ABI3BP: variants seen among roughly 807,000 people sequenced by gnomAD.
The protein encoded by ABI3BP is ABI family member 3 binding protein.
ABI3BP carries 216 observed loss-of-function variants against 268.6 expected under a neutral mutation model. The ratio of observed to expected loss-of-function variants is 0.80; its 90% CI spans 0.72 to 0.90. The LOEUF (loss-of-function observed/expected upper bound fraction) is 0.90, where lower values mean the gene tolerates loss of function less well. Among genes scored for constraint, ABI3BP ranks in the 40% least tolerant of loss-of-function variants. The pLI is 0.00. For synonymous variants in ABI3BP, 730 were observed against 730.0 expected, an observed-to-expected ratio of 1.00 and a Z score of 0.00; for missense variants, 2,090 against 2,182.4, an observed-to-expected ratio of 0.96 and a Z score of 0.84.
intron 3 of ABI3BP, among the ~76,000 whole-genome samples, chr3:100,901,736 A>T (rs1296958770): frequency 1.3e-5 from 2 of 151,902 alleles, no homozygotes; most frequent in Non-Finnish European, 2.9e-5. Context: ...ACTGCGCTCC[A>T]GTCTGGGCCA....
intron 50 of ABI3BP, 109 bp downstream of exon 50, chr3:100,808,052 T>C (rs2097761929): frequency 2.1e-6 from 2 of 941,120 alleles, no homozygotes; most frequent in Admixed American, 4.2e-5. Flanking sequence ...AGACTTGTTT[T>C]ACAAGTGTTA....
intron 59 of ABI3BP, among the ~76,000 whole-genome samples, chr3:100,777,732 C>T (rs1229944874): frequency 6.6e-6 from 1 of 152,112 alleles, no homozygotes; most frequent in African/African-American, 2.4e-5. Context: ...TGTGTGTGCC[C>T]AGGCATGGAG....
At chr3:100,946,528 C>A (rs573910316) in intron 1 of ABI3BP, among the ~76,000 whole-genome samples, 8 of 152,062 alleles carry the variant, frequency 5.3e-5, no homozygotes, top group African/African-American at 1.9e-4. Context: ...GTGGCTCACA[C>A]CTGTAATTCC....
At chr3:100,969,951 C>G (rs547488475) in intron 1 of ABI3BP, among the ~76,000 whole-genome samples, 1 of 152,080 alleles carries the variant, frequency 6.6e-6, no homozygotes, top group Non-Finnish European at 1.5e-5. Context: ...TATTAAATGG[C>G]CTTCATTTAC....
intron 2 of ABI3BP, among the ~76,000 whole-genome samples, chr3:100,907,767 A>G (rs909511627): frequency 2.6e-5 from 4 of 151,694 alleles, no homozygotes; most frequent in Admixed American, 1.3e-4. Flanking sequence ...CTGACAGCAC[A>G]TAATACAATA....
Position 100,832,285 on chromosome 3 carries a change from C to T in ABI3BP, c.2380G>A (p.Glu794Lys). The T allele has an allele frequency of 1.3e-6, 2 of 1,535,524 alleles. No homozygotes were observed. Among genetic ancestry groups the T allele is most frequent in the South Asian group, 1.2e-5 (1 of 84,028 alleles). Residue 794 changes from glutamate to lysine, a missense_variant, in exon 31 of 68, where the codon GAA becomes AAA. Transcript: ENST00000471714. ...TTACCCAGTTTAGTTTGAGGTACTTCTGGATGGGGCGTGGTTTTAGGTTTG... is the reference window on the plus strand; with the variant it reads ...TTACCCAGTTTAGTTTGAGGTACTTTTGGATGGGGCGTGGTTTTAGGTTTG... ...HPKPKTTPHP[E>K]VPQTKLVPAT...
At chr3:100,954,148 T>C (rs1009321280) in intron 1 of ABI3BP, among the ~76,000 whole-genome samples, 1 of 152,210 alleles carries the variant, frequency 6.6e-6, no homozygotes, top group Admixed American at 6.5e-5. Flanking sequence ...GATATTTACC[T>C]TTTAATTATT....
chr3:100,855,149 A>G (rs2098926248), intron 14 of ABI3BP, among the ~76,000 whole-genome samples: 1 of 152,190 alleles, frequency 6.6e-6, no homozygotes, highest in Non-Finnish European at 1.5e-5. Flanking sequence ...GCTGGCTTCA[A>G]ACTCCTGACC....
At chr3:100,879,182 C>G (rs1581657961) in intron 6 of ABI3BP, among the ~76,000 whole-genome samples, 1 of 152,316 alleles carries the variant, frequency 6.6e-6, no homozygotes, top group Non-Finnish European at 1.5e-5. Context: ...TGCCCCTCAC[C>G]CCCTGGTAAC....
chr3:100,835,494 T>G, intron 28 of ABI3BP, 107 bp downstream of exon 28: 1 of 798,206 alleles, frequency 1.3e-6, no homozygotes, highest in Middle Eastern at 2.8e-4. Flanking sequence ...GACAAGAGGA[T>G]GATGAGAAAA....
At chr3:100,759,109 C>CA (rs2095803205) in intron 63 of ABI3BP, among the ~76,000 whole-genome samples, 1 of 152,088 alleles carries the variant, frequency 6.6e-6, no homozygotes, top group South Asian at 2.1e-4. Flanking sequence ...TTCATTCTAA[C>CA]AAAAGTCTTA....
At chr3:100,797,638 G>A (rs1030933901) in intron 51 of ABI3BP, among the ~76,000 whole-genome samples, 2 of 148,650 alleles carry the variant, frequency 1.3e-5, no homozygotes, top group Admixed American at 6.7e-5. Context: ...TATATAAAAT[G>A]AACAATCTCT....
intron 6 of ABI3BP, among the ~76,000 whole-genome samples, chr3:100,882,955 A>G (rs186152143): frequency 6.6e-6 from 1 of 152,248 alleles, no homozygotes; most frequent in African/African-American, 2.4e-5. Context: ...AGGATGAAAG[A>G]GCAATTCTAT....
chr3:100,955,694 T>C (rs897764162), intron 1 of ABI3BP, among the ~76,000 whole-genome samples: 1 of 152,232 alleles, frequency 6.6e-6, no homozygotes, highest in Admixed American at 6.5e-5. Flanking sequence ...GGAAGGTTGG[T>C]ATTTATTTCT....
Position 100,886,219 on chromosome 3 carries a change from A to G in ABI3BP, c.566T>C (p.Val189Ala). 4.4e-6 allele frequency: 7 copies of G among 1,609,144 alleles called. No individual in the cohort carries two copies. Among genetic ancestry groups the G allele is most frequent in the Non-Finnish European group, 5.9e-6 (7 of 1,177,468 alleles). Residue 189 changes from valine (V) to alanine (A), a missense_variant, in exon 5 of 68, where the codon GTT (valine) becomes GCT (alanine). Val to Ala is a moderately conservative substitution (Grantham distance 64). Coordinates refer to ENST00000471714, the MANE Select transcript of ABI3BP (RefSeq NM_001375547.2). Reference protein sequence around the residue: ...TIVENLKPNTVYEFGVKDNVE... With the variant: ...TIVENLKPNTAYEFGVKDNVE... ...ATTGTCTTTCACTCCAAATTCATAA[A>G]CTGTGTTGGGCTTTAGGTTTTCCAC...
intron 1 of ABI3BP, among the ~76,000 whole-genome samples, chr3:100,960,581 C>T (rs1289465057): frequency 2.0e-5 from 3 of 152,156 alleles, no homozygotes; most frequent in African/African-American, 7.2e-5. Flanking sequence ...TGCGTAGGCT[C>T]AATCTAATCA....
In ABI3BP at chr3:100,902,701, A is replaced by G. The variant is rs745786521; in HGVS notation, c.260-15T>C. The G allele has an allele frequency of 1.9e-6, 3 of 1,612,072 alleles. No homozygotes were observed. Among genetic ancestry groups the G allele is most frequent in the Non-Finnish European group, 1.7e-6 (2 of 1,178,774 alleles). The stretch of plus-strand genomic sequence containing the variant: ...CGGCTCTGCATCTGGAAGCAATAAC[A>G]TTATTTATCAGAAAAACCCTTTGAG... On this transcript the variant is annotated splice_polypyrimidine_tract_variant and intron_variant, in intron 2 of 67. Coordinates refer to ENST00000471714, the MANE Select transcript of ABI3BP (RefSeq NM_001375547.2).
At chr3:100,772,417 G>T (rs1235294042) in intron 61 of ABI3BP, among the ~76,000 whole-genome samples, 1 of 152,136 alleles carries the variant, frequency 6.6e-6, no homozygotes, top group East Asian at 1.9e-4. Flanking sequence ...TTACGGTAAT[G>T]TATATAACAT....
chr3:100,947,479 A>T (rs990756411), intron 1 of ABI3BP, among the ~76,000 whole-genome samples: 1 of 151,814 alleles, frequency 6.6e-6, no homozygotes, highest in Non-Finnish European at 1.5e-5. Context: ...TATCAGGCAA[A>T]TTTTTTTTTC....
Sources: allele counts gnomAD v4.1 joint callset (sites outside exome capture counted in the v4.1 genomes callset), GRCh38; gene constraint gnomAD v4.1.1; transcripts MANE v1.5; gene names NCBI Gene and HGNC (gene_info 2026-07-23, HGNC 2026-07-21).